Variants in TANC1 observed in about 807,000 individuals in gnomAD.
TANC1 encodes the protein protein TANC1.
A neutral mutation model predicts 149.7 loss-of-function variants in TANC1; 77 were observed. That is an observed-to-expected ratio of 0.51 (90% confidence interval 0.43 to 0.62). The LOEUF is 0.62. TANC1 is among the 20% of genes least tolerant of loss of function. The pLI is 0.00. For missense variants in TANC1, 1,985 were observed against 2,321.8 expected (o/e 0.85, Z 2.98); for synonymous variants, 854 against 925.0 (o/e 0.92, Z 1.39).
At chr2:159,045,356 C>T (rs7572635) in intron 2 of TANC1, among the ~76,000 whole-genome samples, 18,462 of 152,072 alleles carry the variant, frequency 0.12, 2,021 homozygotes, top group African/African-American at 0.28. Flanking sequence ...TGCTTGAACT[C>T]GGGAGGCGGA....
Position 159,160,037 on chromosome 2 carries a change from T to C in TANC1, c.683-3246T>C, listed in dbSNP as rs117638153. Among the ~76,000 whole-genome samples the C allele has an allele frequency of 8.2e-4, 125 of 152,232 alleles. 3 individuals carry two copies. In the East Asian group the frequency reaches 0.023, roughly 28 times the overall value. On this transcript the variant is annotated intron_variant, in intron 7 of 26. Transcript: ENST00000263635. ...TTGGAAGTATTCTACCCCTGTACAC[T>C]AGTACAAAGGAAGATAAGACACTGT...
intron 3 of TANC1, among the ~76,000 whole-genome samples, chr2:159,072,619 C>A (rs1399111504): frequency 6.6e-6 from 1 of 152,110 alleles, no homozygotes; most frequent in East Asian, 1.9e-4. Flanking sequence ...CCTTAAAGAA[C>A]TAACAAAACC....
intron 8 of TANC1, among the ~76,000 whole-genome samples, chr2:159,167,001 T>C (rs1025030478): frequency 6.6e-6 from 1 of 152,228 alleles, no homozygotes; most frequent in African/African-American, 2.4e-5. Flanking sequence ...ACATCTCCTG[T>C]ACCTGTTTAG....
intron 2 of TANC1, among the ~76,000 whole-genome samples, chr2:159,019,819 G>A (rs776077324): frequency 4.6e-5 from 7 of 151,592 alleles, no homozygotes; most frequent in African/African-American, 1.7e-4. Flanking sequence ...ACGGGGTTTC[G>A]ACATGTTGGC....
At chr2:159,129,177 A>G (rs535667729) in intron 4 of TANC1, among the ~76,000 whole-genome samples, 130 of 152,298 alleles carry the variant, frequency 8.5e-4, no homozygotes, top group Middle Eastern at 3.4e-3. Flanking sequence ...CTGTGTCCCA[A>G]ATATTGCTTT....
intron 3 of TANC1, among the ~76,000 whole-genome samples, chr2:159,083,949 A>T: frequency 6.7e-6 from 1 of 149,864 alleles, no homozygotes; most frequent in African/African-American, 2.5e-5. Context: ...TACAAATAAG[A>T]TATAGAAAAA....
At chr2:159,216,003 G>T (rs2059322047) in intron 19 of TANC1, among the ~76,000 whole-genome samples, 1 of 152,174 alleles carries the variant, frequency 6.6e-6, no homozygotes, top group Non-Finnish European at 1.5e-5. Flanking sequence ...TGCCTGCAGG[G>T]TGCATCTCTG....
intron 7 of TANC1, among the ~76,000 whole-genome samples, chr2:159,155,051 A>G (rs567632347): frequency 6.6e-6 from 1 of 152,254 alleles, no homozygotes; most frequent in Non-Finnish European, 1.5e-5. Context: ...AATATAAAGT[A>G]TGTTTTCATT....
intron 9 of TANC1, 66 bp downstream of exon 9, chr2:159,169,438 G>T: frequency 1.3e-6 from 2 of 1,542,304 alleles, no homozygotes; most frequent in Admixed American, 3.5e-5. Context: ...TTGAAAGTCT[G>T]TGATAACCAG....
intron 5 of TANC1, among the ~76,000 whole-genome samples, chr2:159,146,793 G>A (rs1274062878): frequency 3.9e-5 from 6 of 151,954 alleles, no homozygotes; most frequent in South Asian, 2.1e-4. Context: ...CACCCGCCTC[G>A]GCCTCCCAAA....
intron 1 of TANC1, among the ~76,000 whole-genome samples, chr2:158,989,054 A>G (rs1380161781): frequency 6.6e-6 from 1 of 152,094 alleles, no homozygotes; most frequent in African/African-American, 2.4e-5. Flanking sequence ...CATAACTGAC[A>G]GTGTTCACAG....
At chr2:159,205,017 C>G (rs1289991268) in intron 19 of TANC1, among the ~76,000 whole-genome samples, 1 of 152,246 alleles carries the variant, frequency 6.6e-6, no homozygotes, top group African/African-American at 2.4e-5. Context: ...GGATCTTGAG[C>G]CTCAGGCAGT....
chr2:159,012,460 G>A (rs984838682), intron 2 of TANC1, among the ~76,000 whole-genome samples: 5 of 151,212 alleles, frequency 3.3e-5, no homozygotes, highest in African/African-American at 1.2e-4. Context: ...TTGAGATGGT[G>A]GATAGATGGA....
rs557126218 is a variant in TANC1 at position 159,040,029 on chromosome 2, G to A, written c.-15-25867G>A. On this transcript the variant is annotated intron_variant, in intron 2 of 26. Coordinates refer to ENST00000263635, the MANE Select transcript of TANC1 (RefSeq NM_033394.3). ...CTAAGGACTTGCTTTATGAATCTGGGTGCTCCTGCATTGGGTGCATATATA... is the reference window on the plus strand; with the variant it reads ...CTAAGGACTTGCTTTATGAATCTGGATGCTCCTGCATTGGGTGCATATATA... 1.4e-4 allele frequency among the ~76,000 whole-genome samples: 21 copies of A among 152,284 alleles called. 1 individual carries two copies. Among genetic ancestry groups the A allele is most frequent in the South Asian group, 1.0e-3 (5 of 4,828 alleles).
intron 4 of TANC1, among the ~76,000 whole-genome samples, chr2:159,101,543 T>A (rs2149951016): frequency 6.6e-6 from 1 of 152,292 alleles, no homozygotes; most frequent in African/African-American, 2.4e-5. Flanking sequence ...GTTAGAAGAT[T>A]GTTTTCTGAG....
chr2:159,089,064 T>C (rs2045259175), intron 3 of TANC1, among the ~76,000 whole-genome samples: 1 of 152,198 alleles, frequency 6.6e-6, no homozygotes, highest in Non-Finnish European at 1.5e-5. Context: ...TTGTTCCTGC[T>C]GGTGGGCACA....
intron 22 of TANC1, among the ~76,000 whole-genome samples, chr2:159,223,618 C>T (rs535480554): frequency 6.6e-6 from 1 of 152,262 alleles, no homozygotes; most frequent in African/African-American, 2.4e-5. Flanking sequence ...TTTTAGTGGC[C>T]ACAGTATTTC....
intron 6 of TANC1, chr2:159,150,099 T>C (rs2052612180): frequency 3.0e-6 from 1 of 331,428 alleles, no homozygotes; most frequent in Non-Finnish European, 5.5e-6. Flanking sequence ...CACTAAATTA[T>C]TGCTAAGACT....
chr2:159,125,530 T>A (rs1400280891), intron 4 of TANC1, among the ~76,000 whole-genome samples: 4 of 152,014 alleles, frequency 2.6e-5, no homozygotes, highest in African/African-American at 9.7e-5. Context: ...AGGGCAGAAT[T>A]CAGTTCCATG....
Sources: allele counts gnomAD v4.1 joint callset (sites outside exome capture counted in the v4.1 genomes callset), GRCh38; gene constraint gnomAD v4.1.1; transcripts MANE v1.5; gene names NCBI Gene and HGNC (gene_info 2026-07-23, HGNC 2026-07-21).